SEM1: variants seen among roughly 807,000 people sequenced by gnomAD.
The protein encoded by SEM1 is 26S proteasome complex subunit SEM1.
A neutral mutation model predicts 12.7 loss-of-function variants in SEM1; 3 were observed. The ratio of observed to expected loss-of-function variants is 0.24; its 90% CI spans 0.11 to 0.61. The LOEUF is 0.61. Among genes scored for constraint, SEM1 ranks in the 20% least tolerant of loss-of-function variants. SEM1 has a pLI of 0.88. For missense variants in SEM1, 59 were observed against 81.3 expected (o/e 0.73, Z 1.06); for synonymous variants, 30 against 27.8 (o/e 1.08, Z -0.25).
chr7:96,487,222 G>A (rs1802808469), intron 1 of SEM1, among the ~76,000 whole-genome samples: 1 of 149,934 alleles, frequency 6.7e-6, no homozygotes, highest in African/African-American at 2.5e-5. Flanking sequence ...TTTGATGGAA[G>A]CACTTTTTAA....
chr7:96,557,865 C>T lies in SEM1; in HGVS notation c.171-51167G>A, dbSNP rs369941311. On this transcript the variant is annotated intron_variant and NMD_transcript_variant, in intron 2 of 3. Coordinates refer to the SEM1 transcript ENST00000466986. ...CAGGCTCCGTGGGCGTAGGACCCTC[C>T]GAGCCAGGTGTGGGATATAATCTCG... 2.0e-4 allele frequency among the ~76,000 whole-genome samples: 31 copies of T among 152,264 alleles called. No homozygotes were observed. The East Asian group carries it at 4.5e-3, about 22-fold the overall frequency.
At chr7:96,483,634 G>A (rs1167651556) in exon 4 of SEM1, 7 of 533,558 alleles carry the variant, frequency 1.3e-5, no homozygotes, top group Non-Finnish European at 2.4e-5. Context: ...TGTGATGACA[G>A]AGGGAAAGAG....
chr7:96,643,721 C>T lies in SEM1; in HGVS notation c.171-21078G>A, dbSNP rs111773924. Among the ~76,000 whole-genome samples, 25 of 152,146 alleles carry T rather than the reference C, an allele frequency of 1.6e-4. No individual in the cohort carries two copies. The South Asian group carries it at 3.5e-3, about 21-fold the overall frequency. On this transcript the variant is annotated intron_variant, in intron 2 of 2. Transcript: ENST00000417009. Reference sequence around the variant, plus strand: ...AACACAAGAACAGAAAACCAAACACCGCATGTTCTCACTCATAAATGGGAG... The same window carrying T: ...AACACAAGAACAGAAAACCAAACACTGCATGTTCTCACTCATAAATGGGAG...
At chr7:96,524,196 A>G (rs1443514964) in intron 2 of SEM1, among the ~76,000 whole-genome samples, 2 of 152,102 alleles carry the variant, frequency 1.3e-5, no homozygotes, top group Non-Finnish European at 2.9e-5. Flanking sequence ...GCCCTGAAGC[A>G]TTTCTACATC....
At chr7:96,699,258 T>C (rs1327027402) in intron 1 of SEM1, among the ~76,000 whole-genome samples, 1 of 152,178 alleles carries the variant, frequency 6.6e-6, no homozygotes, top group Non-Finnish European at 1.5e-5. Flanking sequence ...GGCATCATTC[T>C]CTTCACTTCA....
At chr7:96,703,975 ACAC>A in intron 1 of SEM1, among the ~76,000 whole-genome samples, 1 of 78,000 alleles carries the variant, frequency 1.3e-5, no homozygotes, top group African/African-American at 4.2e-5. Context: ...TCTTAAAAAC[ACAC>A]ACACACACAC....
intron 2 of SEM1, among the ~76,000 whole-genome samples, chr7:96,631,845 A>C (rs1404464084): frequency 1.3e-5 from 2 of 152,232 alleles, no homozygotes; most frequent in Admixed American, 6.5e-5. Context: ...AAAGAACTTA[A>C]ACAAATTTAC....
intron 2 of SEM1, among the ~76,000 whole-genome samples, chr7:96,524,454 C>T (rs1412188822): frequency 6.6e-6 from 1 of 151,970 alleles, no homozygotes; most frequent in African/African-American, 2.4e-5. Flanking sequence ...TTTTAATTAA[C>T]TTAAATTTAA....
chr7:96,647,826 G>A (rs371942300), intron 2 of SEM1, among the ~76,000 whole-genome samples: 10 of 152,182 alleles, frequency 6.6e-5, no homozygotes, highest in South Asian at 4.1e-4. Context: ...GGAAGCTCAC[G>A]TTCTGCTACT....
intron 2 of SEM1, among the ~76,000 whole-genome samples, chr7:96,655,359 G>A (rs573284718): frequency 1.9e-4 from 29 of 151,814 alleles, no homozygotes; most frequent in Non-Finnish European, 3.5e-4. Context: ...CACTTACATT[G>A]ATCAGCTGTT....
chr7:96,486,283 C>T lies in SEM1; in HGVS notation c.147G>A (p.Lys49=), dbSNP rs1336667009. Residue 49 remains lysine, a synonymous_variant, in exon 2 of 4, where the codon AAG becomes AAA. Coordinates refer to the SEM1 transcript ENST00000356686. ...TCTGTTGCTTTGCAAAGGCCGGATG[C>T]TTACTCTCATGGATCCAGGGTCCTC... The T allele has an allele frequency of 4.6e-6, 7 of 1,536,812 alleles. No homozygotes were observed. In the Admixed American group the frequency reaches 7.9e-5, roughly 17 times the overall value.
rs566685944 is a variant in SEM1 at position 96,603,647 on chromosome 7, C to T, written c.170+91151G>A. On this transcript the variant is annotated intron_variant and NMD_transcript_variant, in intron 2 of 3. Transcript: ENST00000466986. ...TTGTTTTTATTTTGTTTGCTATTCC[C>T]GTCTTTCTTGGGAACTGATATCTTG... is the stretch of plus-strand genomic sequence containing the variant. Among the ~76,000 whole-genome samples the T allele has an allele frequency of 1.3e-3, 202 of 152,140 alleles. 1 individual carries two copies. The highest frequency in any genetic ancestry group is 4.3e-3 in the African/African-American group (180 of 41,492).
Position 96,528,323 on chromosome 7 carries a change from A to T in SEM1, c.171-21625T>A, listed in dbSNP as rs192121976. Among the ~76,000 whole-genome samples the T allele has an allele frequency of 3.0e-4, 45 of 152,132 alleles. No homozygotes were observed. The East Asian group carries it at 8.6e-3, about 29-fold the overall frequency. ...ATCCTCCTACATCAGCCTCCCAAGT[A>T]TCTGGGACTACAGGCGTGCCACCAC... On this transcript the variant is annotated intron_variant and NMD_transcript_variant, in intron 2 of 3. Transcript: ENST00000466986.
At chr7:96,641,623 T>C (rs1334092594) in intron 2 of SEM1, among the ~76,000 whole-genome samples, 1 of 152,026 alleles carries the variant, frequency 6.6e-6, no homozygotes, top group African/African-American at 2.4e-5. Context: ...AAAATGCAGA[T>C]TGTCTCTTTA....
intron 2 of SEM1, among the ~76,000 whole-genome samples, chr7:96,634,491 A>T (rs982873997): frequency 6.6e-5 from 10 of 151,550 alleles, no homozygotes; most frequent in Non-Finnish European, 1.3e-4. Context: ...AACAGTGAAT[A>T]TGGTAGACAA....
At chr7:96,632,675 A>G (rs975014812) in intron 2 of SEM1, among the ~76,000 whole-genome samples, 3 of 152,148 alleles carry the variant, frequency 2.0e-5, no homozygotes, top group East Asian at 3.9e-4. Context: ...CACATTCTGC[A>G]CATGTATCCC....
chr7:96,538,728 T>C (rs1032386318), intron 2 of SEM1, among the ~76,000 whole-genome samples: 5 of 151,680 alleles, frequency 3.3e-5, no homozygotes, highest in African/African-American at 9.7e-5. Context: ...TTCAGAAAAA[T>C]ATAGCTCTAC....
At chr7:96,594,819 G>A (rs1678166378) in intron 2 of SEM1, among the ~76,000 whole-genome samples, 2 of 152,028 alleles carry the variant, frequency 1.3e-5, no homozygotes, top group Non-Finnish European at 2.9e-5. Context: ...AATGGAATAT[G>A]AAACTAAAAA....
At chr7:96,675,100 C>G (rs965022585) in intron 2 of SEM1, among the ~76,000 whole-genome samples, 5 of 151,752 alleles carry the variant, frequency 3.3e-5, no homozygotes, top group Non-Finnish European at 7.4e-5. Context: ...ACCCCACCCC[C>G]CAAAAATAAA....
Sources: gnomAD v4.1 joint callset for allele counts (sites outside exome capture counted in the v4.1 genomes callset) on GRCh38, gnomAD v4.1.1 for gene constraint, MANE v1.5 for transcripts, NCBI Gene and HGNC (gene_info 2026-07-23, HGNC 2026-07-21) for gene names.